XKR6: variants seen among roughly 807,000 people sequenced by gnomAD.
XKR6 encodes XK related 6.
Under a neutral mutation model 56.7 loss-of-function variants are expected in XKR6, and 22 were observed. The observed-to-expected ratio is 0.39, with a 90% CI of 0.28 to 0.55. XKR6 has a LOEUF of 0.55. Ranked by LOEUF, XKR6 falls within the 20% of genes least tolerant of loss-of-function variation. XKR6 has a pLI of 0.66. For synonymous variants in XKR6, 524 were observed against 387.8 expected, an observed-to-expected ratio of 1.35 and a Z score of -4.13; for missense variants, 852 against 889.0, an observed-to-expected ratio of 0.96 and a Z score of 0.53.
At chr8:10,931,537 G>GTT (rs1353205890) in intron 1 of XKR6, among the ~76,000 whole-genome samples, 1 of 152,170 alleles carries the variant, frequency 6.6e-6, no homozygotes, top group Non-Finnish European at 1.5e-5. Flanking sequence ...ACAGCACAGT[G>GTT]TAGCATTGGC....
chr8:10,901,055 C>CTT (rs35359233), intron 2 of XKR6, among the ~76,000 whole-genome samples: 48,680 of 121,996 alleles, frequency 0.4, 10,404 homozygotes, highest in Non-Finnish European at 0.48. Context: ...GTTTCTACTT[C>CTT]TTTTTTTTTT....
At chr8:11,017,533 C>G (rs1482083959) in intron 1 of XKR6, among the ~76,000 whole-genome samples, 1 of 152,274 alleles carries the variant, frequency 6.6e-6, no homozygotes, top group Non-Finnish European at 1.5e-5. Flanking sequence ...TTTCAAGCAT[C>G]TGCTGAGCCT....
intron 1 of XKR6, among the ~76,000 whole-genome samples, chr8:10,964,679 C>G (rs552809466): frequency 1.3e-5 from 2 of 152,306 alleles, no homozygotes; most frequent in Admixed American, 1.3e-4. Flanking sequence ...GTTACATGAC[C>G]TCACCCGCGG....
intron 1 of XKR6, among the ~76,000 whole-genome samples, chr8:11,127,877 G>A (rs945789468): frequency 7.9e-5 from 12 of 152,328 alleles, no homozygotes; most frequent in Non-Finnish European, 1.5e-4. Flanking sequence ...ACGTTAACCA[G>A]TTGAAATTTA....
Position 11,200,258 on chromosome 8 carries a change from G to A in XKR6, c.764+318C>T, listed in dbSNP as rs749867233. Among the ~76,000 whole-genome samples, 1 of 152,322 alleles carries A rather than the reference G, an allele frequency of 6.6e-6. No homozygotes were observed. Among genetic ancestry groups the A allele is most frequent in the Non-Finnish European group, 1.5e-5 (1 of 68,026 alleles). On this transcript the variant is annotated intron_variant, in intron 1 of 2. Coordinates refer to ENST00000416569, the MANE Select transcript of XKR6 (RefSeq NM_173683.4). The surrounding 1 kb of genome is among the most constrained non-coding windows in gnomAD (Gnocchi z 6.4). ...CAGGGCGCCCGCAGCTGGTTACCTC[G>A]GGAGGCAGGGAAAAGGGACGCTTGG... is the stretch of plus-strand genomic sequence containing the variant.
intron 1 of XKR6, among the ~76,000 whole-genome samples, chr8:10,965,443 T>C (rs1276771554): frequency 1.3e-5 from 2 of 152,250 alleles, no homozygotes; most frequent in Non-Finnish European, 2.9e-5. Context: ...TGCTGCTGAC[T>C]GCTGCACCTA....
rs1554454135 is a variant in XKR6, at chr8:11,086,149, T to TATATATATA, written c.764+114426_764+114427insTATATATAT. 6.5e-3 allele frequency among the ~76,000 whole-genome samples: 660 copies of TATATATATA among 100,768 alleles called. 9 individuals are homozygous for TATATATATA. Among genetic ancestry groups the TATATATATA allele is most frequent in the African/African-American group, 0.016 (458 of 28,926 alleles). The allele number at this position is 100,768 out of a possible 152,430, so 66.1% of individuals were successfully genotyped here. On this transcript the variant is annotated intron_variant, in intron 1 of 2. Coordinates refer to ENST00000416569, the MANE Select transcript of XKR6 (RefSeq NM_173683.4). The stretch of plus-strand genomic sequence containing the variant: ...TAAAAAGAAAATATATATATATATA[T>TATATATATA]TTTTTTTTAAAAAAAACAAGCATAA...
At chr8:11,101,114 G>C (rs1480243680) in intron 1 of XKR6, among the ~76,000 whole-genome samples, 1 of 152,198 alleles carries the variant, frequency 6.6e-6, no homozygotes, top group African/African-American at 2.4e-5. Context: ...TTGCAGTACA[G>C]AATTCTAGTA....
At chr8:10,959,567 G>GGA (rs1020803256) in intron 1 of XKR6, among the ~76,000 whole-genome samples, 12 of 152,170 alleles carry the variant, frequency 7.9e-5, no homozygotes, top group Non-Finnish European at 1.8e-4. Context: ...CTCACGTGGT[G>GGA]GAGAGAGGGA....
chr8:10,954,168 G>C (rs1197003280), intron 1 of XKR6, among the ~76,000 whole-genome samples: 3 of 152,106 alleles, frequency 2.0e-5, no homozygotes, highest in African/African-American at 7.2e-5. Context: ...CAATTCTCTT[G>C]GGTATATACA....
At chr8:10,971,741 G>T (rs1368350878) in intron 1 of XKR6, among the ~76,000 whole-genome samples, 1 of 152,160 alleles carries the variant, frequency 6.6e-6, no homozygotes, top group Non-Finnish European at 1.5e-5. Flanking sequence ...AAGAGAGGAC[G>T]GATGTGGGCT....
At chr8:11,179,941 T>C (rs1330641738) in intron 1 of XKR6, among the ~76,000 whole-genome samples, 1 of 152,038 alleles carries the variant, frequency 6.6e-6, no homozygotes, top group Non-Finnish European at 1.5e-5. Context: ...AAGACCAGCC[T>C]GGGCAACATG....
chr8:11,169,749 T>C (rs959348184), intron 1 of XKR6, among the ~76,000 whole-genome samples: 10 of 152,210 alleles, frequency 6.6e-5, no homozygotes, highest in African/African-American at 1.2e-4. Flanking sequence ...CTCATGCCAG[T>C]GAACTGTACA....
intron 1 of XKR6, among the ~76,000 whole-genome samples, chr8:11,072,973 C>T (rs1171310658): frequency 6.6e-6 from 1 of 151,972 alleles, no homozygotes. Context: ...TTGCTTCAAC[C>T]TGGGAGGCGG....
At chr8:11,181,734 C>G (rs187568236) in intron 1 of XKR6, among the ~76,000 whole-genome samples, 19 of 152,310 alleles carry the variant, frequency 1.2e-4, no homozygotes, top group Admixed American at 5.2e-4. Flanking sequence ...CTGTTAATAT[C>G]TAACATTCAG....
intron 2 of XKR6, among the ~76,000 whole-genome samples, chr8:10,916,385 A>G (rs1201187012): frequency 6.6e-6 from 1 of 152,238 alleles, no homozygotes; most frequent in African/African-American, 2.4e-5. Flanking sequence ...GTTTGAAGTA[A>G]TCACCTTTTG....
At position 11,091,421 on chromosome 8, in the gene XKR6, A is replaced by C. The variant is rs915263143; in HGVS notation, c.764+109155T>G. On this transcript the variant is annotated intron_variant, in intron 1 of 2. Transcript: ENST00000416569. ...CCCTGCACTCCAGTCTGGGCAACAG[A>C]ATGAGACCCTGACTCAAATAAATAA... Among the ~76,000 whole-genome samples the C allele has an allele frequency of 3.9e-5, 6 of 152,012 alleles. 1 individual carries two copies. The Middle Eastern group carries it at 0.014, about 345-fold the overall frequency.
chr8:11,090,665 G>A (rs1017533350), intron 1 of XKR6, among the ~76,000 whole-genome samples: 4 of 152,000 alleles, frequency 2.6e-5, no homozygotes, highest in African/African-American at 7.3e-5. Flanking sequence ...TATATACACC[G>A]ATCTTTTGAT....
intron 1 of XKR6, among the ~76,000 whole-genome samples, chr8:11,092,127 T>C (rs181619399): frequency 2.6e-5 from 4 of 152,352 alleles, no homozygotes; most frequent in Non-Finnish European, 5.9e-5. Context: ...TTAAATTACA[T>C]GAGGTTGTGT....
Sources: allele counts gnomAD v4.1 joint callset (sites outside exome capture counted in the v4.1 genomes callset), GRCh38; gene constraint gnomAD v4.1.1; non-coding constraint Gnocchi (gnomAD v3.1); transcripts MANE v1.5; gene names NCBI Gene and HGNC (gene_info 2026-07-23, HGNC 2026-07-21).